Variants in BBX observed in about 807,000 individuals in gnomAD.
BBX encodes HMG box transcription factor BBX.
In BBX, 30 loss-of-function variants were observed where a neutral mutation model predicts 100.2. The ratio of observed to expected loss-of-function variants is 0.30; its 90% CI spans 0.22 to 0.41. BBX has a LOEUF of 0.41. Among genes scored for constraint, BBX ranks in the 10% least tolerant of loss-of-function variants. BBX has a pLI of 1.00. For synonymous variants in BBX, 376 were observed against 388.1 expected (o/e 0.97, Z 0.37); for missense variants, 1,023 against 1,129.8 (o/e 0.91, Z 1.35).
intron 2 of BBX, among the ~76,000 whole-genome samples, chr3:107,572,333 C>T (rs2051433290): frequency 6.6e-6 from 1 of 152,208 alleles, no homozygotes; most frequent in East Asian, 1.9e-4. Flanking sequence ...GAGCAATTAA[C>T]TCTTTTTTCT....
At chr3:107,636,933 G>GT (rs1332163124) in intron 2 of BBX, among the ~76,000 whole-genome samples, 35 of 152,262 alleles carry the variant, frequency 2.3e-4, no homozygotes, top group African/African-American at 7.7e-4. Context: ...GGTACTAGGT[G>GT]TTTCTAGTGT....
chr3:107,744,370 T>C (rs576353195), intron 7 of BBX, among the ~76,000 whole-genome samples: 1 of 152,276 alleles, frequency 6.6e-6, no homozygotes, highest in South Asian at 2.1e-4. Context: ...TCCTTCCCTC[T>C]CTAACATTCT....
At chr3:107,757,745 T>G (rs1031285087) in intron 10 of BBX, among the ~76,000 whole-genome samples, 3 of 152,240 alleles carry the variant, frequency 2.0e-5, no homozygotes, top group African/African-American at 7.2e-5. Context: ...GTACTTGATA[T>G]TCATTTTTCA....
intron 8 of BBX, among the ~76,000 whole-genome samples, chr3:107,745,925 T>C (rs1365265223): frequency 6.6e-6 from 1 of 152,206 alleles, no homozygotes; most frequent in Non-Finnish European, 1.5e-5. Context: ...TTGTGGCTTC[T>C]AACAGCATAT....
intron 10 of BBX, among the ~76,000 whole-genome samples, chr3:107,766,553 G>A (rs1007759977): frequency 6.6e-6 from 1 of 152,098 alleles, no homozygotes; most frequent in Non-Finnish European, 1.5e-5. Context: ...ATTTGGTGGG[G>A]AGTGGGGGGC....
intron 7 of BBX, among the ~76,000 whole-genome samples, chr3:107,736,102 C>A (rs955675924): frequency 6.6e-6 from 1 of 151,850 alleles, no homozygotes; most frequent in Non-Finnish European, 1.5e-5. Flanking sequence ...ATTGAGGAAG[C>A]AAAATCGATA....
chr3:107,652,852 A>G (rs1166801812), intron 3 of BBX, among the ~76,000 whole-genome samples: 1 of 152,194 alleles, frequency 6.6e-6, no homozygotes, highest in Non-Finnish European at 1.5e-5. Flanking sequence ...ACATAAACAT[A>G]TGTATATATG....
chr3:107,611,399 G>A (rs1246241768), intron 2 of BBX, among the ~76,000 whole-genome samples: 2 of 152,122 alleles, frequency 1.3e-5, no homozygotes, highest in African/African-American at 4.8e-5. Context: ...ACTTCCTGTA[G>A]CTTTCCTTGT....
chr3:107,707,224 A>G (rs2061445050), intron 3 of BBX, among the ~76,000 whole-genome samples: 1 of 152,112 alleles, frequency 6.6e-6, no homozygotes, highest in Non-Finnish European at 1.5e-5. Flanking sequence ...ATTTCTCCCC[A>G]AGCCTGTGCA....
chr3:107,798,246 T>G (rs1029400599), intron 15 of BBX, among the ~76,000 whole-genome samples: 8 of 152,206 alleles, frequency 5.3e-5, no homozygotes, highest in Admixed American at 5.2e-4. Context: ...TTACCTAAAT[T>G]ATCGTCCCCA....
chr3:107,564,683 T>C (rs572226305), intron 2 of BBX, among the ~76,000 whole-genome samples: 2 of 152,336 alleles, frequency 1.3e-5, no homozygotes, highest in African/African-American at 4.8e-5. Flanking sequence ...GTTTTTGAGA[T>C]GTTTTTTTGA....
intron 2 of BBX, among the ~76,000 whole-genome samples, chr3:107,633,871 C>T (rs1392661023): frequency 6.6e-6 from 1 of 152,140 alleles, no homozygotes; most frequent in East Asian, 1.9e-4. Flanking sequence ...TTTTCATTTC[C>T]TTCAACTATT....
chr3:107,779,010 T>TAC (rs1304595438), intron 13 of BBX, among the ~76,000 whole-genome samples: 5 of 71,742 alleles, frequency 7.0e-5, no homozygotes, highest in African/African-American at 1.7e-4. Context: ...TATATATATA[T>TAC]ATATATATAT....
intron 2 of BBX, among the ~76,000 whole-genome samples, chr3:107,615,451 A>AT (rs1020871353): frequency 4.6e-5 from 7 of 151,858 alleles, no homozygotes; most frequent in East Asian, 1.9e-4. Flanking sequence ...CATAGATGGG[A>AT]TTTTTTTTGA....
intron 3 of BBX, among the ~76,000 whole-genome samples, chr3:107,657,995 G>A (rs905244150): frequency 1.3e-5 from 2 of 152,118 alleles, no homozygotes; most frequent in Non-Finnish European, 2.9e-5. Flanking sequence ...TGACAGTATT[G>A]AAAATTTAGG....
At position 107,592,300 on chromosome 3, in the gene BBX, G is replaced by T. The variant is rs1487832210; in HGVS notation, c.-83-53536G>T. 5.1e-5 allele frequency among the ~76,000 whole-genome samples: 7 copies of T among 137,488 alleles called. No homozygotes were observed. The East Asian group carries it at 1.6e-3, about 32-fold the overall frequency. 90.2% of individuals were successfully genotyped at this position (137,488 alleles called of 152,430 possible). A position where few individuals can be genotyped will look rare whatever the true frequency, so the allele number is the denominator to read the frequency against. The stretch of plus-strand genomic sequence containing the variant: ...CACTTGAGCCTGGGGTGTGAAGGTT[G>T]CAGTGAGCCGAGATTGCACCAGTGC... On this transcript the variant is annotated intron_variant, in intron 2 of 17. Transcript: ENST00000325805.
intron 3 of BBX, among the ~76,000 whole-genome samples, chr3:107,655,082 T>G (rs1393884774): frequency 6.6e-6 from 1 of 152,226 alleles, no homozygotes; most frequent in African/African-American, 2.4e-5. Context: ...TGGGAAAATC[T>G]TTATTGAATA....
chr3:107,696,848 A>T (rs1049032589), intron 3 of BBX, among the ~76,000 whole-genome samples: 3 of 151,308 alleles, frequency 2.0e-5, no homozygotes, highest in African/African-American at 7.4e-5. Flanking sequence ...TCAGACATAG[A>T]TTTGGTCTTT....
chr3:107,586,754 CTTT>C (rs34606832), intron 2 of BBX, among the ~76,000 whole-genome samples: 1 of 145,590 alleles, frequency 6.9e-6, no homozygotes. Context: ...TGATTCCACA[CTTT>C]TTTTTTTTTT....
Sources: gnomAD v4.1 joint callset for allele counts (sites outside exome capture counted in the v4.1 genomes callset) on GRCh38, gnomAD v4.1.1 for gene constraint, MANE v1.5 for transcripts, NCBI Gene and HGNC (gene_info 2026-07-23, HGNC 2026-07-21) for gene names.